CNTN5: variants seen among roughly 807,000 people sequenced by gnomAD.
The protein encoded by CNTN5 is contactin 5.
A neutral mutation model predicts 129.1 loss-of-function variants in CNTN5; 77 were observed. The observed-to-expected ratio is 0.60, with a 90% CI of 0.50 to 0.72. The LOEUF is 0.72. Ranked by LOEUF, CNTN5 falls within the 30% of genes least tolerant of loss-of-function variation. The pLI is 0.00. For synonymous variants in CNTN5, 509 were observed against 465.6 expected (o/e 1.09, Z -1.20); for missense variants, 1,478 against 1,328.8 (o/e 1.11, Z -1.75).
intron 3 of CNTN5, among the ~76,000 whole-genome samples, chr11:99,589,408 AC>A (rs1565327006): frequency 6.6e-6 from 1 of 152,242 alleles, no homozygotes; most frequent in African/African-American, 2.4e-5. Flanking sequence ...CATGTATTCA[AC>A]ATTCTAAACC....
intron 4 of CNTN5, among the ~76,000 whole-genome samples, chr11:99,840,000 A>G (rs1470264689): frequency 6.6e-6 from 1 of 151,072 alleles, no homozygotes; most frequent in Non-Finnish European, 1.5e-5. Context: ...ACAGAAAAAA[A>G]AATCGTACAA....
At position 100,155,198 on chromosome 11, in the gene CNTN5, T is replaced by A. The variant is rs191112664; in HGVS notation, c.1581-35928T>A. Among the ~76,000 whole-genome samples the A allele has an allele frequency of 4.2e-4, 64 of 152,300 alleles. 1 individual carries two copies. The East Asian group carries it at 0.012, about 29-fold the overall frequency. On this transcript the variant is annotated intron_variant, in intron 13 of 24. Transcript: ENST00000524871. Reference sequence around the variant, plus strand: ...AATCTATCTTGAGTTAATTTTTGTATAAGGTGTAAGGAAGGGGTCCAGTTT... The same window carrying A: ...AATCTATCTTGAGTTAATTTTTGTAAAAGGTGTAAGGAAGGGGTCCAGTTT...
At chr11:99,921,809 A>G (rs1949947057) in intron 7 of CNTN5, among the ~76,000 whole-genome samples, 1 of 152,212 alleles carries the variant, frequency 6.6e-6, no homozygotes, top group South Asian at 2.1e-4. Context: ...GTTTTAATAA[A>G]TATCAGAAAC....
At chr11:99,954,998 C>A (rs982483839) in intron 7 of CNTN5, among the ~76,000 whole-genome samples, 2 of 152,092 alleles carry the variant, frequency 1.3e-5, no homozygotes, top group Admixed American at 1.3e-4. Context: ...CAAATATCAT[C>A]TGTGTAACAG....
At chr11:99,597,093 A>T (rs964076999) in intron 3 of CNTN5, among the ~76,000 whole-genome samples, 6 of 152,200 alleles carry the variant, frequency 3.9e-5, no homozygotes, top group African/African-American at 1.4e-4. Flanking sequence ...CGTTAGAGTT[A>T]GGAAATGGTT....
chr11:99,937,464 ACCT>A (rs1393710126), intron 7 of CNTN5, among the ~76,000 whole-genome samples: 1 of 152,170 alleles, frequency 6.6e-6, no homozygotes, highest in Non-Finnish European at 1.5e-5. Context: ...AAACTGGCTG[ACCT>A]CGCTCAATCA....
chr11:100,087,667 A>ACC (rs1381018267), intron 13 of CNTN5, among the ~76,000 whole-genome samples: 1 of 151,996 alleles, frequency 6.6e-6, no homozygotes, highest in Non-Finnish European at 1.5e-5. Flanking sequence ...AGACTTAGCC[A>ACC]CACAACAGTA....
chr11:99,421,443 A>G (rs1942884770), intron 2 of CNTN5, among the ~76,000 whole-genome samples: 1 of 152,164 alleles, frequency 6.6e-6, no homozygotes, highest in African/African-American at 2.4e-5. Flanking sequence ...TAAGAACAGA[A>G]TTCAGGATTA....
intron 3 of CNTN5, among the ~76,000 whole-genome samples, chr11:99,633,909 A>G (rs896492132): frequency 6.6e-6 from 1 of 152,170 alleles, no homozygotes; most frequent in Non-Finnish European, 1.5e-5. Flanking sequence ...TTCAGGAGAG[A>G]GTACAGGACA....
At chr11:99,060,381 GT>G (rs1353637141) in intron 1 of CNTN5, among the ~76,000 whole-genome samples, 5 of 152,070 alleles carry the variant, frequency 3.3e-5, no homozygotes, top group African/African-American at 9.7e-5. Flanking sequence ...ATCTGAGAAA[GT>G]TTTTATTTTA....
chr11:100,010,769 C>T (rs1474757569), intron 9 of CNTN5, among the ~76,000 whole-genome samples: 1 of 152,148 alleles, frequency 6.6e-6, no homozygotes, highest in African/African-American at 2.4e-5. Flanking sequence ...ATACCTCAGC[C>T]ATCCTGGCTT....
intron 9 of CNTN5, among the ~76,000 whole-genome samples, chr11:100,034,723 T>C (rs1466705033): frequency 6.6e-6 from 1 of 152,208 alleles, no homozygotes; most frequent in African/African-American, 2.4e-5. Flanking sequence ...ATAGAGACTA[T>C]CTGGTCCACA....
chr11:99,941,192 A>G (rs931867329), intron 7 of CNTN5, among the ~76,000 whole-genome samples: 1 of 152,060 alleles, frequency 6.6e-6, no homozygotes, highest in Admixed American at 6.6e-5. Context: ...GAATACTGGA[A>G]TTGGTTCAAG....
chr11:100,086,109 GA>G (rs1392481631), intron 13 of CNTN5, among the ~76,000 whole-genome samples: 3 of 151,916 alleles, frequency 2.0e-5, no homozygotes, highest in African/African-American at 7.2e-5. Context: ...AGAAGAACTT[GA>G]ATGCACAGAT....
intron 4 of CNTN5, among the ~76,000 whole-genome samples, chr11:99,834,161 C>T (rs549019057): frequency 1.3e-4 from 20 of 152,204 alleles, no homozygotes; most frequent in African/African-American, 4.8e-4. Context: ...CAGAACTTAA[C>T]CAGAGGTTGT....
At chr11:99,265,569 A>C (rs1392852188) in intron 1 of CNTN5, among the ~76,000 whole-genome samples, 1 of 152,024 alleles carries the variant, frequency 6.6e-6, no homozygotes, top group Non-Finnish European at 1.5e-5. Flanking sequence ...GAAATATTTG[A>C]TGTCTTGCTG....
chr11:99,957,495 C>A (rs903415487), intron 8 of CNTN5, among the ~76,000 whole-genome samples: 1 of 152,078 alleles, frequency 6.6e-6, no homozygotes, highest in Non-Finnish European at 1.5e-5. Context: ...CTTTTAGGTG[C>A]AAATCAGGCA....
At chr11:99,840,476 G>A (rs191077020) in intron 4 of CNTN5, among the ~76,000 whole-genome samples, 6 of 151,856 alleles carry the variant, frequency 4.0e-5, no homozygotes, top group Non-Finnish European at 7.4e-5. Flanking sequence ...CTTCGTAGCA[G>A]AGAATAAACA....
At chr11:99,748,230 TG>T (rs1368818026) in intron 3 of CNTN5, among the ~76,000 whole-genome samples, 3 of 152,166 alleles carry the variant, frequency 2.0e-5, no homozygotes, top group African/African-American at 7.2e-5. Context: ...ACAATGAGTT[TG>T]TAAGCATTCC....
Sources: allele counts gnomAD v4.1 joint callset (sites outside exome capture counted in the v4.1 genomes callset), GRCh38; gene constraint gnomAD v4.1.1; transcripts MANE v1.5; gene names NCBI Gene and HGNC (gene_info 2026-07-23, HGNC 2026-07-21).